The following ZNF354C variants were observed in gnomAD, a reference collection of about 807,000 sequenced individuals.
ZNF354C encodes the protein KRAB-zinc finger protein synten.
A neutral mutation model predicts 12.4 loss-of-function variants in ZNF354C; 7 were observed. The ratio of observed to expected loss-of-function variants is 0.56; its 90% confidence interval spans 0.32 to 1.06. The LOEUF is 1.06. Ranked by LOEUF, ZNF354C falls within the 50% of genes least tolerant of loss-of-function variation. The pLI is 0.04. For synonymous variants in ZNF354C, 202 were observed against 224.5 expected, an observed-to-expected ratio of 0.90 and a Z score of 0.90; for missense variants, 609 against 658.0, an observed-to-expected ratio of 0.93 and a Z score of 0.81.
At chr5:179,070,577 A>G (rs1762034381) in intron 2 of ZNF354C, among the ~76,000 whole-genome samples, 1 of 152,062 alleles carries the variant, frequency 6.6e-6, no homozygotes, top group Middle Eastern at 3.2e-3. Flanking sequence ...TGTGACTATC[A>G]GTTTCCCTGG....
At chr5:179,077,200 T>C in intron 4 of ZNF354C, 34 bp downstream of exon 4, 1 of 1,558,264 alleles carries the variant, frequency 6.4e-7, no homozygotes, top group East Asian at 2.2e-5. Context: ...GCACAAGGGG[T>C]TCTTTATAGA....
chr5:179,075,634 A>G (rs1762107499), intron 2 of ZNF354C, among the ~76,000 whole-genome samples: 1 of 152,160 alleles, frequency 6.6e-6, no homozygotes, highest in African/African-American at 2.4e-5. Context: ...CCTTCCAGAT[A>G]GTTGTGCATG....
chr5:179,077,192 A>G (rs1762136087), intron 4 of ZNF354C, 26 bp downstream of exon 4: 1 of 1,585,646 alleles, frequency 6.3e-7, no homozygotes. Flanking sequence ...GGAAATGGGC[A>G]CAAGGGGTTC....
rs1371166652 is a variant in ZNF354C, at chr5:179,081,065, G to C, written c.*968G>C. 1 of 152,108 alleles carries C rather than the reference G, an allele frequency of 6.6e-6. No individual in the cohort carries two copies. The highest frequency in any genetic ancestry group is 2.4e-5 in the African/African-American group (1 of 41,412). 9.4% of individuals were successfully genotyped at this position (152,108 alleles called of 1,614,324 possible). A position where few individuals can be genotyped will look rare whatever the true frequency, so the allele number is the denominator to read the frequency against. ...TTCTGGTGTTTTGTGATCATTATAGGCTCGTTTCCAACCTGAGGTCCCAAG... is the reference window on the plus strand; with the variant it reads ...TTCTGGTGTTTTGTGATCATTATAGCCTCGTTTCCAACCTGAGGTCCCAAG... On this transcript the variant is annotated 3_prime_UTR_variant, in exon 5 of 5. Coordinates refer to ENST00000315475, the MANE Select transcript of ZNF354C (RefSeq NM_014594.3).
Position 179,079,302 on chromosome 5 carries a change from T to C in ZNF354C, c.870T>C (p.His290=). The part of the protein sequence containing the change: ...AFSNSSTLIK[H]LRVHTGEKPY... ...GCAACAGTTCAACCCTTATCAAACA[T>C]CTGAGAGTGCATACTGGAGAGAAAC... The change falls in exon 5 of 5, where the codon CAT becomes CAC. Residue 290 remains histidine (H), a synonymous_variant. Coordinates refer to ENST00000315475, the MANE Select transcript of ZNF354C (RefSeq NM_014594.3). This position sits in a 1 kb window ranked among gnomAD's most constrained non-coding sequence, Gnocchi z 4.2. 5 of 1,614,188 alleles carry C rather than the reference T, an allele frequency of 3.1e-6. No individual in the cohort carries two copies. The highest frequency in any genetic ancestry group is 4.2e-6 in the Non-Finnish European group (5 of 1,180,030).
intron 2 of ZNF354C, among the ~76,000 whole-genome samples, chr5:179,070,038 C>G (rs892223708): frequency 6.6e-6 from 1 of 152,162 alleles, no homozygotes; most frequent in Non-Finnish European, 1.5e-5. Flanking sequence ...CAGACCGGTA[C>G]CAGCTCCTGG....
rs1248966203 is a variant in ZNF354C, at chr5:179,060,835, G to C, written c.-55+169G>C. Reference sequence around the variant, plus strand: ...CAGGCACCAGACTAGCGCATCGCCCGAACGAACTCCGCGCATCCCTGCTAA... The same window carrying C: ...CAGGCACCAGACTAGCGCATCGCCCCAACGAACTCCGCGCATCCCTGCTAA... On this transcript the variant is annotated intron_variant, in intron 1 of 4. Coordinates refer to ENST00000315475, the MANE Select transcript of ZNF354C (RefSeq NM_014594.3). This position sits in a 1 kb window ranked among gnomAD's most constrained non-coding sequence, Gnocchi z 4.2. 6.6e-6 allele frequency among the ~76,000 whole-genome samples: 1 copy of C among 152,168 alleles called. No homozygotes were observed.
chr5:179,069,561 C>CAAAAAA (rs761235131), intron 2 of ZNF354C, among the ~76,000 whole-genome samples: 1 of 77,616 alleles, frequency 1.3e-5, no homozygotes, highest in Non-Finnish European at 2.5e-5. Context: ...GACTCCATCT[C>CAAAAAA]AAAAAAAAAA....
chr5:179,062,564 C>G (rs560200585), intron 2 of ZNF354C, among the ~76,000 whole-genome samples: 1 of 152,268 alleles, frequency 6.6e-6, no homozygotes, highest in South Asian at 2.1e-4. Flanking sequence ...TGGTATCGAT[C>G]TTAGGAAACA....
chr5:179,078,092 C>G (rs577144887), intron 4 of ZNF354C, among the ~76,000 whole-genome samples: 1 of 152,168 alleles, frequency 6.6e-6, no homozygotes, highest in Non-Finnish European at 1.5e-5. Context: ...TGAGCCACCG[C>G]GCCCGGCCTG....
intron 2 of ZNF354C, among the ~76,000 whole-genome samples, chr5:179,068,166 T>TAAAAAAAAAA (rs1561748334): frequency 2.3e-5 from 2 of 85,228 alleles, no homozygotes; most frequent in Non-Finnish European, 6.1e-5. Context: ...CCCTGTCTGT[T>TAAAAAAAAAA]TAAAAAAAAA....
At position 179,079,453 on chromosome 5, in the gene ZNF354C, G is replaced by A. The variant is rs781256604; in HGVS notation, c.1021G>A (p.Ala341Thr). Residue 341 changes from alanine to threonine, a missense_variant, in exon 5 of 5, where the codon GCA becomes ACA. Ala to Thr is a moderately conservative substitution (Grantham distance 58). Coordinates refer to ENST00000315475, the MANE Select transcript of ZNF354C (RefSeq NM_014594.3). The surrounding 1 kb of genome is among the most constrained non-coding windows in gnomAD (Gnocchi z 4.2). Reference sequence around the variant, plus strand: ...ATGTGAGAAGGCCTTCAACTGTAGAGCAAAACTTCACAGGCATCAAAGAAT... The same window carrying A: ...ATGTGAGAAGGCCTTCAACTGTAGAACAAAACTTCACAGGCATCAAAGAAT... The part of the protein sequence containing the change: ...GECEKAFNCR[A>T]KLHRHQRIHT... 2.2e-5 allele frequency: 35 copies of A among 1,613,550 alleles called. 1 individual carries two copies. The South Asian group carries it at 3.8e-4, about 18-fold the overall frequency.
intron 4 of ZNF354C, among the ~76,000 whole-genome samples, chr5:179,078,378 G>T (rs1762159719): frequency 6.6e-6 from 1 of 152,068 alleles, no homozygotes; most frequent in African/African-American, 2.4e-5. Flanking sequence ...TTATCATTTG[G>T]CATTTTTCTG....
In ZNF354C at chr5:179,060,613, C is replaced by G. The variant is rs1030457394; in HGVS notation, c.-108C>G. 6.6e-6 allele frequency: 1 copy of G among 152,228 alleles called. No individual in the cohort carries two copies. Among genetic ancestry groups the G allele is most frequent in the Non-Finnish European group, 1.5e-5 (1 of 68,054 alleles). 9.4% of individuals were successfully genotyped at this position (152,228 alleles called of 1,614,324 possible). A position where few individuals can be genotyped will look rare whatever the true frequency, so the allele number is the denominator to read the frequency against. ...CCTTGGCCACTGGGTCCCGGGGCGC[C>G]GTCCGCGAGCGGCCTGGACTGCCGG... is the stretch of plus-strand genomic sequence containing the variant. On this transcript the variant is annotated 5_prime_UTR_variant, in exon 1 of 5. Transcript: ENST00000315475. This position sits in a 1 kb window ranked among gnomAD's most constrained non-coding sequence, Gnocchi z 4.2.
At chr5:179,077,801 C>T (rs1450514636) in intron 4 of ZNF354C, among the ~76,000 whole-genome samples, 2 of 149,710 alleles carry the variant, frequency 1.3e-5, no homozygotes, top group African/African-American at 2.4e-5. Context: ...CTGAATGTCC[C>T]CCCACTCCTT....
intron 2 of ZNF354C, among the ~76,000 whole-genome samples, chr5:179,067,035 G>T (rs1761965972): frequency 6.6e-6 from 1 of 152,190 alleles, no homozygotes; most frequent in Non-Finnish European, 1.5e-5. Flanking sequence ...GGATATACAT[G>T]CTATATAGTA....
At chr5:179,077,365 A>G (rs1384658569) in intron 4 of ZNF354C, among the ~76,000 whole-genome samples, 199 bp downstream of exon 4, 1 of 152,244 alleles carries the variant, frequency 6.6e-6, no homozygotes, top group Admixed American at 6.5e-5. Flanking sequence ...ATTTTCTATC[A>G]TGGATTGATG....
At chr5:179,063,841 A>C (rs1353324868) in intron 2 of ZNF354C, among the ~76,000 whole-genome samples, 1 of 152,220 alleles carries the variant, frequency 6.6e-6, no homozygotes, top group Non-Finnish European at 1.5e-5. Context: ...AGTGCATGGC[A>C]CGTATTAAGA....
Position 179,079,626 on chromosome 5 carries a change from C to T in ZNF354C, c.1194C>T (p.Thr398=). ...ECGRTFTRIV[T]LIEHQRIHTG... is the part of the protein sequence containing the mutation. ...GGAGAACCTTCACACGTATTGTAAC[C>T]CTTATCGAACATCAGCGAATTCACA... Residue 398 remains threonine (T), a synonymous_variant, in exon 5 of 5, where the codon ACC becomes ACT. Coordinates refer to ENST00000315475, the MANE Select transcript of ZNF354C (RefSeq NM_014594.3). The surrounding 1 kb of genome is among the most constrained non-coding windows in gnomAD (Gnocchi z 4.2). The T allele has an allele frequency of 6.2e-7, 1 of 1,614,114 alleles. No homozygotes were observed. The highest frequency in any genetic ancestry group is 8.5e-7 in the Non-Finnish European group (1 of 1,180,022).
Sources: gnomAD v4.1 joint callset for allele counts (sites outside exome capture counted in the v4.1 genomes callset) on GRCh38, gnomAD v4.1.1 for gene constraint, Gnocchi (gnomAD v3.1) non-coding constraint, MANE v1.5 for transcripts, NCBI Gene and HGNC (gene_info 2026-07-23, HGNC 2026-07-21) for gene names.